GABRA2: variants seen among roughly 807,000 people sequenced by gnomAD.
The protein encoded by GABRA2 is gamma-aminobutyric acid type A receptor subunit alpha2, also known as gamma-aminobutyric acid receptor subunit alpha-2.
A neutral mutation model predicts 48.7 loss-of-function variants in GABRA2; 16 were observed. The ratio of observed to expected loss-of-function variants is 0.33; its 90% CI spans 0.22 to 0.50. The LOEUF (loss-of-function observed/expected upper bound fraction) is 0.50, where lower values mean the gene tolerates loss of function less well. GABRA2 is among the 20% of genes least tolerant of loss of function. GABRA2 has a pLI of 0.98. For synonymous variants in GABRA2, 185 were observed against 184.5 expected, an observed-to-expected ratio of 1.00 and a Z score of -0.02; for missense variants, 275 against 535.6, an observed-to-expected ratio of 0.51 and a Z score of 4.80.
chr4:46,363,438 C>T (rs1430387391), intron 3 of GABRA2, among the ~76,000 whole-genome samples: 1 of 151,820 alleles, frequency 6.6e-6, no homozygotes, highest in Non-Finnish European at 1.5e-5. Flanking sequence ...CAAGAAATAG[C>T]CACATGGATT....
Position 46,250,564 on chromosome 4 carries a change from T to A in GABRA2, c.1100A>T (p.Tyr367Phe). Residue 367 changes from tyrosine (Y) to phenylalanine (F), a missense_variant, in exon 10 of 10, where the codon TAT (tyrosine) becomes TTT (phenylalanine). Transcript: ENST00000381620. ...KASVMIQNNA[Y>F]AVAVANYAPN... The stretch of plus-strand genomic sequence containing the variant: ...GGCATAATTGGCAACAGCCACTGCA[T>A]AAGCGTTGTTCTGTATCATAACGGA... 2 of 1,611,514 alleles carry A rather than the reference T, an allele frequency of 1.2e-6. No individual in the cohort carries two copies. Among genetic ancestry groups the A allele is most frequent in the Non-Finnish European group, 1.7e-6 (2 of 1,178,378 alleles).
intron 3 of GABRA2, among the ~76,000 whole-genome samples, chr4:46,381,010 A>G (rs1716686925): frequency 6.6e-6 from 1 of 152,214 alleles, no homozygotes; most frequent in African/African-American, 2.4e-5. Flanking sequence ...AGTATAAAAC[A>G]AAAGTACCAG....
chr4:46,261,021 A>G (rs1716860604), intron 9 of GABRA2: 1 of 151,984 alleles, frequency 6.6e-6, no homozygotes, highest in Non-Finnish European at 1.5e-5. Flanking sequence ...TAATAAAAGA[A>G]GCATTTAGGT....
intron 3 of GABRA2, among the ~76,000 whole-genome samples, chr4:46,370,893 C>CCACA (rs375227159): frequency 6.7e-6 from 1 of 150,212 alleles, no homozygotes; most frequent in African/African-American, 2.4e-5. Flanking sequence ...TTGAAACAAG[C>CCACA]CACACACACA....
chr4:46,314,575 A>T (rs1728222362), intron 4 of GABRA2, among the ~76,000 whole-genome samples: 1 of 152,110 alleles, frequency 6.6e-6, no homozygotes, highest in South Asian at 2.1e-4. Flanking sequence ...GAAGTTTGGG[A>T]TACTATCATC....
intron 4 of GABRA2, among the ~76,000 whole-genome samples, chr4:46,330,263 A>G (rs1039551644): frequency 1.3e-5 from 2 of 152,008 alleles, no homozygotes; most frequent in Non-Finnish European, 2.9e-5. Context: ...CTTGGGTTCA[A>G]TTTACAGATA....
At chr4:46,281,632 T>C (rs968044458) in intron 8 of GABRA2, among the ~76,000 whole-genome samples, 4 of 152,304 alleles carry the variant, frequency 2.6e-5, no homozygotes, top group Admixed American at 2.6e-4. Flanking sequence ...TATTTAGCAG[T>C]GTGGCAGACC....
At chr4:46,314,473 C>A (rs533794766) in intron 4 of GABRA2, among the ~76,000 whole-genome samples, 8 of 151,988 alleles carry the variant, frequency 5.3e-5, no homozygotes, top group Admixed American at 4.6e-4. Flanking sequence ...ATGTATTTTA[C>A]TTATTTATTT....
chr4:46,255,620 G>A (rs989822036), intron 9 of GABRA2, among the ~76,000 whole-genome samples: 9 of 151,400 alleles, frequency 5.9e-5, no homozygotes, highest in African/African-American at 2.2e-4. Flanking sequence ...TCAATTAAGT[G>A]GAATGAAAAA....
chr4:46,285,411 C>T (rs1385614570), intron 8 of GABRA2, among the ~76,000 whole-genome samples: 1 of 152,012 alleles, frequency 6.6e-6, no homozygotes, highest in Non-Finnish European at 1.5e-5. Context: ...AGCCTTGACA[C>T]TAAACACCTT....
chr4:46,345,914 A>C (rs116039536), intron 3 of GABRA2, among the ~76,000 whole-genome samples: 5,790 of 152,094 alleles, frequency 0.038, 183 homozygotes, highest in Admixed American at 0.088. Flanking sequence ...CAGTGATATC[A>C]GTAAAGACAT....
At chr4:46,273,486 T>TATATATATATATATATGC (rs1719814084) in intron 8 of GABRA2, among the ~76,000 whole-genome samples, 3 of 30,302 alleles carry the variant, frequency 9.9e-5, no homozygotes, top group African/African-American at 4.1e-4. Flanking sequence ...TATATATGCA[T>TATATATATATATATATGC]ATATATATAT....
chr4:46,386,034 T>C, intron 3 of GABRA2, 40 bp downstream of exon 3: 2 of 1,230,096 alleles, frequency 1.6e-6, no homozygotes, highest in South Asian at 2.5e-5. Context: ...TTTAAAGGCA[T>C]TATTTTACGA....
chr4:46,252,558 A>G (rs933109524), intron 9 of GABRA2, among the ~76,000 whole-genome samples: 1 of 151,470 alleles, frequency 6.6e-6, no homozygotes, highest in Admixed American at 6.6e-5. Flanking sequence ...AAAAGCGCTC[A>G]AACTTAGATG....
intron 8 of GABRA2, among the ~76,000 whole-genome samples, chr4:46,269,235 T>C (rs188381520): frequency 6.6e-6 from 1 of 152,002 alleles, no homozygotes; most frequent in East Asian, 1.9e-4. Flanking sequence ...AGGTGACAGA[T>C]ATATTAATTA....
chr4:46,299,204 TA>T (rs1461288400), intron 8 of GABRA2, among the ~76,000 whole-genome samples: 1 of 151,806 alleles, frequency 6.6e-6, no homozygotes, highest in Non-Finnish European at 1.5e-5. Context: ...AACCCTAAGT[TA>T]AATTTGGTTT....
chr4:46,338,493 T>A (rs1354752262), intron 3 of GABRA2, among the ~76,000 whole-genome samples: 1 of 151,894 alleles, frequency 6.6e-6, no homozygotes, highest in South Asian at 2.1e-4. Flanking sequence ...ATAGTGAAAA[T>A]AAAAATCAGG....
intron 8 of GABRA2, among the ~76,000 whole-genome samples, chr4:46,276,191 G>T (rs1009181104): frequency 1.3e-5 from 2 of 152,094 alleles, no homozygotes; most frequent in African/African-American, 4.8e-5. Flanking sequence ...TGTCACAGAT[G>T]AGTTCCAAGA....
chr4:46,258,504 C>T (rs1328949487), intron 9 of GABRA2, among the ~76,000 whole-genome samples: 1 of 151,708 alleles, frequency 6.6e-6, no homozygotes, highest in African/African-American at 2.4e-5. Flanking sequence ...TCAGTAAAAC[C>T]CTTAAAGTGA....
Sources: gnomAD v4.1 joint callset for allele counts (sites outside exome capture counted in the v4.1 genomes callset) on GRCh38, gnomAD v4.1.1 for gene constraint, MANE v1.5 for transcripts, NCBI Gene and HGNC (gene_info 2026-07-23, HGNC 2026-07-21) for gene names.